IQCB1: variants seen among roughly 807,000 people sequenced by gnomAD.
IQCB1 encodes IQ motif containing B1.
In IQCB1, 56 loss-of-function variants were observed where a neutral mutation model predicts 84.4. That is an observed-to-expected ratio of 0.66 (90% CI 0.54 to 0.83). The LOEUF (loss-of-function observed/expected upper bound fraction) is 0.83, where lower values mean the gene tolerates loss of function less well. Ranked by LOEUF, IQCB1 falls within the 40% of genes least tolerant of loss-of-function variation. IQCB1 has a pLI of 0.00. For missense variants in IQCB1, 629 were observed against 682.1 expected (o/e 0.92, Z 0.87); for synonymous variants, 210 against 234.8 (o/e 0.89, Z 0.96).
intron 5 of IQCB1, among the ~76,000 whole-genome samples, chr3:121,822,940 A>C (rs1197576563): frequency 6.6e-6 from 1 of 152,210 alleles, no homozygotes; most frequent in East Asian, 1.9e-4. Flanking sequence ...TTTGACCCAG[A>C]TAATTTGACC....
intron 10 of IQCB1, 92 bp downstream of exon 10, chr3:121,795,365 C>A (rs1949136862): frequency 1.3e-6 from 1 of 785,666 alleles, no homozygotes; most frequent in African/African-American, 1.7e-5. Context: ...AAGAAACATA[C>A]TAGGAAATTA....
chr3:121,819,848 T>C (rs1285739669), intron 5 of IQCB1, among the ~76,000 whole-genome samples: 4 of 152,092 alleles, frequency 2.6e-5, no homozygotes, highest in African/African-American at 9.7e-5. Flanking sequence ...GTAAAACAAA[T>C]AACAATATAT....
intron 12 of IQCB1, 90 bp downstream of exon 12, chr3:121,788,194 A>C: frequency 1.6e-6 from 2 of 1,286,242 alleles, no homozygotes; most frequent in Non-Finnish European, 2.3e-6. Flanking sequence ...TGTCTTGACC[A>C]AGGCTTTACA....
At chr3:121,818,777 G>C (rs999780364) in intron 5 of IQCB1, among the ~76,000 whole-genome samples, 2 of 152,146 alleles carry the variant, frequency 1.3e-5, no homozygotes, top group Non-Finnish European at 2.9e-5. Context: ...AACCAGAAAG[G>C]CACCTAGAAT....
At chr3:121,808,138 T>C (rs1949676961) in intron 6 of IQCB1, among the ~76,000 whole-genome samples, 1 of 151,994 alleles carries the variant, frequency 6.6e-6, no homozygotes, top group African/African-American at 2.4e-5. Flanking sequence ...ACCAAAGGTA[T>C]TAGTTATACT....
At chr3:121,783,685 T>C (rs1223951639) in intron 12 of IQCB1, among the ~76,000 whole-genome samples, 3 of 152,192 alleles carry the variant, frequency 2.0e-5, no homozygotes, top group Non-Finnish European at 4.4e-5. Flanking sequence ...TGACCTGCTG[T>C]AATTTGGATT....
At chr3:121,814,205 T>G (rs980996626) in intron 5 of IQCB1, among the ~76,000 whole-genome samples, 3 of 152,116 alleles carry the variant, frequency 2.0e-5, no homozygotes, top group Non-Finnish European at 4.4e-5. Context: ...AATAAATAAG[T>G]TATTTGAAAC....
At chr3:121,786,492 G>A (rs948351913) in intron 12 of IQCB1, among the ~76,000 whole-genome samples, 2 of 93,592 alleles carry the variant, frequency 2.1e-5, no homozygotes, top group Admixed American at 2.3e-4. Flanking sequence ...GTGAGACCAT[G>A]TCTCTTAAAA....
rs1192935982 is a variant in IQCB1, at chr3:121,788,341, AAAATTTTT to A, written c.1213_1220del (p.Lys405SerfsTer11). The A allele has an allele frequency of 6.2e-7, 1 of 1,613,852 alleles. No individual in the cohort carries two copies. The highest frequency in any genetic ancestry group is 8.5e-7 in the Non-Finnish European group (1 of 1,179,954). ...CTATGAGAGACTGCCTCTGTTGGTG[AAAATTTTT>A]CCTTTCCCTGTACCCTCTCCAATGT... On this transcript the variant is annotated frameshift_variant, in exon 12 of 15. Transcript: ENST00000310864. LOFTEE classifies it high-confidence loss of function.
chr3:121,771,430 G>A (rs1297299200), intron 14 of IQCB1, among the ~76,000 whole-genome samples: 5 of 151,704 alleles, frequency 3.3e-5, no homozygotes, highest in Admixed American at 6.6e-5. Context: ...CCGGGTTCAA[G>A]CAATTCTCCT....
intron 11 of IQCB1, among the ~76,000 whole-genome samples, chr3:121,789,065 A>T (rs944481546): frequency 2.6e-5 from 4 of 152,180 alleles, no homozygotes; most frequent in African/African-American, 9.7e-5. Context: ...TGGTGCCATT[A>T]CCTGAGATGG....
At chr3:121,790,669 C>G (rs534972239) in intron 10 of IQCB1, among the ~76,000 whole-genome samples, 59 of 151,816 alleles carry the variant, frequency 3.9e-4, no homozygotes, top group South Asian at 3.1e-3. Flanking sequence ...ATAAAATGTT[C>G]GAAGAATATT....
intron 5 of IQCB1, among the ~76,000 whole-genome samples, chr3:121,809,836 C>T (rs965803350): frequency 6.6e-6 from 1 of 151,554 alleles, no homozygotes; most frequent in Non-Finnish European, 1.5e-5. Context: ...ATGATGAGAC[C>T]CGCAAAAATA....
intron 10 of IQCB1, 32 bp from the exon 11 acceptor site, chr3:121,790,247 T>G (rs754302771): frequency 6.2e-7 from 1 of 1,604,652 alleles, no homozygotes; most frequent in Non-Finnish European, 8.5e-7. Flanking sequence ...ATACATAATT[T>G]TCATAAATCA....
At chr3:121,776,916 T>G (rs1948253835) in intron 13 of IQCB1, among the ~76,000 whole-genome samples, 1 of 152,240 alleles carries the variant, frequency 6.6e-6, no homozygotes, top group Non-Finnish European at 1.5e-5. Flanking sequence ...AATATATGCT[T>G]GGCAATGATA....
chr3:121,798,382 C>T (rs978452144), intron 8 of IQCB1, among the ~76,000 whole-genome samples: 1 of 151,784 alleles, frequency 6.6e-6, no homozygotes, highest in Non-Finnish European at 1.5e-5. Flanking sequence ...AACTAGAATC[C>T]CATTTCCTGA....
intron 10 of IQCB1, among the ~76,000 whole-genome samples, chr3:121,792,709 A>G (rs1169312812): frequency 6.6e-6 from 1 of 151,226 alleles, no homozygotes; most frequent in East Asian, 1.9e-4. Context: ...TTAAATAGGG[A>G]CTAAATTGTA....
At chr3:121,777,953 G>A (rs966401536) in intron 13 of IQCB1, among the ~76,000 whole-genome samples, 1 of 151,330 alleles carries the variant, frequency 6.6e-6, no homozygotes, top group African/African-American at 2.4e-5. Flanking sequence ...GGCCACACAG[G>A]CTGGAGTGCA....
At chr3:121,787,708 G>T (rs1948794708) in intron 12 of IQCB1, among the ~76,000 whole-genome samples, 2 of 149,984 alleles carry the variant, frequency 1.3e-5, no homozygotes, top group South Asian at 2.1e-4. Flanking sequence ...CCAAGATCGT[G>T]CCATTGCACT....
Sources: allele counts gnomAD v4.1 joint callset (sites outside exome capture counted in the v4.1 genomes callset), GRCh38; gene constraint gnomAD v4.1.1; transcripts MANE v1.5; gene names NCBI Gene and HGNC (gene_info 2026-07-23, HGNC 2026-07-21).